ASB15: variants seen among roughly 807,000 people sequenced by gnomAD.
ASB15 encodes the protein ankyrin repeat and SOCS box containing 15.
A neutral mutation model predicts 58.0 loss-of-function variants in ASB15; 54 were observed. The observed-to-expected ratio is 0.93, with a 90% CI of 0.75 to 1.17. The LOEUF (loss-of-function observed/expected upper bound fraction) is 1.17, where lower values mean the gene tolerates loss of function less well. Among genes scored for constraint, ASB15 ranks in the 50% most tolerant of loss-of-function variants. The pLI is 0.00. For synonymous variants in ASB15, 249 were observed against 262.4 expected (o/e 0.95, Z 0.50); for missense variants, 680 against 707.4 (o/e 0.96, Z 0.44).
At chr7:123,614,923 G>T (rs1800702221) in intron 4 of ASB15, among the ~76,000 whole-genome samples, 1 of 151,650 alleles carries the variant, frequency 6.6e-6, no homozygotes, top group African/African-American at 2.4e-5. Flanking sequence ...GAACATATTT[G>T]CAAGTACAGT....
intron 3 of ASB15, among the ~76,000 whole-genome samples, chr7:123,611,498 G>A (rs984656227): frequency 4.0e-5 from 6 of 151,798 alleles, no homozygotes; most frequent in Non-Finnish European, 5.9e-5. Flanking sequence ...GGGTTTCACC[G>A]TGTTAGCCAG....
intron 1 of ASB15, among the ~76,000 whole-genome samples, chr7:123,571,986 G>A (rs116121833): frequency 0.015 from 2,290 of 151,826 alleles, 52 homozygotes; most frequent in African/African-American, 0.052. Context: ...TCTTTTGTAG[G>A]GATCTTGCCC....
intron 1 of ASB15, among the ~76,000 whole-genome samples, chr7:123,572,724 G>A (rs1261612323): frequency 2.8e-5 from 4 of 143,408 alleles, no homozygotes; most frequent in African/African-American, 1.0e-4. Flanking sequence ...TCAATTTTCT[G>A]CAACATGTTA....
chr7:123,604,639 C>T (rs1249381157), intron 2 of ASB15, among the ~76,000 whole-genome samples: 1 of 151,860 alleles, frequency 6.6e-6, no homozygotes, highest in Non-Finnish European at 1.5e-5. Context: ...AGCAAACTCC[C>T]TGACACTTTG....
intron 1 of ASB15, among the ~76,000 whole-genome samples, chr7:123,570,354 T>C (rs1265825940): frequency 6.6e-6 from 1 of 152,068 alleles, no homozygotes; most frequent in Non-Finnish European, 1.5e-5. Context: ...CTCTTATAAG[T>C]GGTGAAAGGT....
At chr7:123,586,387 T>C (rs913259616) in intron 1 of ASB15, among the ~76,000 whole-genome samples, 7 of 151,896 alleles carry the variant, frequency 4.6e-5, no homozygotes, top group African/African-American at 1.7e-4. Context: ...TTAGAAAAAA[T>C]GTCTATTCAG....
At chr7:123,603,407 T>A (rs796890597) in intron 1 of ASB15, among the ~76,000 whole-genome samples, 1 of 152,212 alleles carries the variant, frequency 6.6e-6, no homozygotes, top group Non-Finnish European at 1.5e-5. Flanking sequence ...CATAGATAAC[T>A]GTGCATTTGT....
At chr7:123,568,426 A>G (rs1798817813) in intron 1 of ASB15, among the ~76,000 whole-genome samples, 2 of 151,960 alleles carry the variant, frequency 1.3e-5, no homozygotes, top group South Asian at 2.1e-4. Context: ...AGGCTGAGAC[A>G]GGAGAATTGC....
At chr7:123,597,318 T>C (rs1269073336), upstream of ASB15, among the ~76,000 whole-genome samples, 1 of 152,246 alleles carries the variant, frequency 6.6e-6, no homozygotes, top group Non-Finnish European at 1.5e-5. Context: ...GTGTTTGTGT[T>C]CAAGGAACCT....
chr7:123,603,621 A>G (rs1275540392), intron 1 of ASB15, among the ~76,000 whole-genome samples: 1 of 152,144 alleles, frequency 6.6e-6, no homozygotes, highest in African/African-American at 2.4e-5. Flanking sequence ...TTATCAGTGG[A>G]GCTTAAGGAC....
chr7:123,623,919 GAAGAAAGAAAGAA>G lies in ASB15; in HGVS notation c.452-635_452-623del, dbSNP rs1180534068. On this transcript the variant is annotated intron_variant, in intron 7 of 11. Transcript: ENST00000451215. ...GAAAGAATGGAAGGAAGGAAGGAAG[GAAGAAAGAAAGAA>G]AAGAAAGAAAGAAAGAAAGAAAGAA... Among the ~76,000 whole-genome samples, 96 of 17,080 alleles carry G rather than the reference GAAGAAAGAAAGAA, an allele frequency of 5.6e-3. 3 individuals are homozygous for G. The highest frequency in any genetic ancestry group is 7.9e-3 in the Non-Finnish European group (76 of 9,572). The allele number at this position is 17,080 out of a possible 152,430, so 11.2% of individuals were successfully genotyped here.
chr7:123,617,584 TATAAG>T lies in ASB15; in HGVS notation c.300_304del (p.Lys101ThrfsTer8), dbSNP rs1184128687. 6.2e-7 allele frequency: 1 copy of T among 1,609,324 alleles called. No homozygotes were observed. Among genetic ancestry groups the T allele is most frequent in the Admixed American group, 1.7e-5 (1 of 59,908 alleles). ...ATAATGCTTTCATGTCACAGCATCC[TATAAG>T]ACACTCTGGGAATTCAAGACCTGTG... On this transcript the variant is annotated frameshift_variant, in exon 7 of 12. Transcript: ENST00000451215. LOFTEE classifies it high-confidence loss of function.
At chr7:123,570,162 G>A (rs1488765915) in intron 1 of ASB15, among the ~76,000 whole-genome samples, 1 of 150,064 alleles carries the variant, frequency 6.7e-6, no homozygotes, top group East Asian at 2.0e-4. Flanking sequence ...AGCCTCCCAA[G>A]TAGCTGGGAC....
chr7:123,600,689 A>C (rs1269799037), upstream of ASB15, among the ~76,000 whole-genome samples: 2 of 152,184 alleles, frequency 1.3e-5, no homozygotes, highest in African/African-American at 4.8e-5. Flanking sequence ...AATACTTCTC[A>C]GTTTGCTTTG....
At chr7:123,584,419 C>T (rs556945843) in intron 1 of ASB15, among the ~76,000 whole-genome samples, 89 of 151,784 alleles carry the variant, frequency 5.9e-4, no homozygotes, top group African/African-American at 2.1e-3. Flanking sequence ...TTTTCTAAAG[C>T]TCCCCAGGTG....
chr7:123,582,454 T>A (rs1345738789), intron 1 of ASB15, among the ~76,000 whole-genome samples: 1 of 152,004 alleles, frequency 6.6e-6, no homozygotes, highest in Non-Finnish European at 1.5e-5. Flanking sequence ...CCAAATTCTT[T>A]ACTCCAGTAT....
chr7:123,627,450 C>T (rs948491788), intron 9 of ASB15, among the ~76,000 whole-genome samples, 169 bp downstream of exon 9: 1 of 152,130 alleles, frequency 6.6e-6, no homozygotes, highest in Non-Finnish European at 1.5e-5. Context: ...TAATTTTCCT[C>T]CTTTTGATAT....
intron 11 of ASB15, among the ~76,000 whole-genome samples, chr7:123,631,145 T>C (rs1802095017): frequency 6.6e-6 from 1 of 152,180 alleles, no homozygotes; most frequent in Admixed American, 6.5e-5. Flanking sequence ...GATTTTTTTA[T>C]TTCCTATAAA....
chr7:123,620,737 T>C (rs1161599956), intron 7 of ASB15, among the ~76,000 whole-genome samples: 1 of 150,084 alleles, frequency 6.7e-6, no homozygotes, highest in Non-Finnish European at 1.5e-5. Flanking sequence ...TAATTTTTTG[T>C]ATTTTTATTA....
Sources: gnomAD v4.1 joint callset for allele counts (sites outside exome capture counted in the v4.1 genomes callset) on GRCh38, gnomAD v4.1.1 for gene constraint, MANE v1.5 for transcripts, NCBI Gene and HGNC (gene_info 2026-07-23, HGNC 2026-07-21) for gene names.